Variants in GPR89B observed in about 807,000 individuals in gnomAD.
GPR89B encodes golgi pH regulator B.
In GPR89B, 25 loss-of-function variants were observed where a neutral mutation model predicts 52.4. That is an observed-to-expected ratio of 0.48 (90% CI 0.35 to 0.67). The LOEUF is 0.67. GPR89B is among the 30% of genes least tolerant of loss of function. The pLI is 0.01. For synonymous variants in GPR89B, 52 were observed against 151.2 expected (o/e 0.34, Z 4.81); for missense variants, 146 against 450.2 (o/e 0.32, Z 6.11).
chr1:147,958,638 CAA>C (rs587655520), intron 7 of GPR89B, among the ~76,000 whole-genome samples: 8 of 109,652 alleles, frequency 7.3e-5, no homozygotes, highest in Admixed American at 2.9e-4. Flanking sequence ...GACTCTGTCT[CAA>C]AAAAAAAAAA....
At chr1:147,987,253 G>A (rs1439231387) in intron 11 of GPR89B, among the ~76,000 whole-genome samples, 5 of 152,212 alleles carry the variant, frequency 3.3e-5, no homozygotes, top group Non-Finnish European at 5.9e-5. Context: ...ACGCAGTACT[G>A]TGGCCCACAT....
intron 1 of GPR89B, among the ~76,000 whole-genome samples, chr1:147,933,479 C>A (rs1653819209): frequency 6.6e-6 from 1 of 152,052 alleles, no homozygotes; most frequent in Non-Finnish European, 1.5e-5. Flanking sequence ...CCTTCACAAT[C>A]TGTCTTTTAT....
the GPR89B span, among the ~76,000 whole-genome samples, chr1:148,012,865 G>A: frequency 6.6e-6 from 1 of 151,932 alleles, no homozygotes; most frequent in Non-Finnish European, 1.5e-5. Context: ...AGAGCCTCTG[G>A]CCTACATCTG....
chr1:147,976,732 A>G (rs1571302161), intron 10 of GPR89B, among the ~76,000 whole-genome samples: 2 of 151,946 alleles, frequency 1.3e-5, no homozygotes, highest in Admixed American at 1.3e-4. Flanking sequence ...TAGTTGCTTC[A>G]TAGTGTCATT....
At chr1:147,997,166 C>T (rs1217381081), downstream of GPR89B, among the ~76,000 whole-genome samples, 2 of 152,014 alleles carry the variant, frequency 1.3e-5, no homozygotes, top group South Asian at 2.1e-4. Context: ...CTTTTCCTTT[C>T]GGTAAGATGG....
chr1:147,981,510 T>A (rs1169566800), intron 10 of GPR89B, among the ~76,000 whole-genome samples: 2 of 148,208 alleles, frequency 1.3e-5, no homozygotes, highest in Admixed American at 6.7e-5. Flanking sequence ...AAAAAAAAAA[T>A]TCATATTTTC....
chr1:148,007,945 G>T, the GPR89B span, among the ~76,000 whole-genome samples: 43 of 152,136 alleles, frequency 2.8e-4, no homozygotes, highest in African/African-American at 9.4e-4. Context: ...GTCCAAGACG[G>T]GGCAGGACAG....
intron 5 of GPR89B, among the ~76,000 whole-genome samples, chr1:147,944,895 AAT>A (rs1224164818): frequency 4.7e-5 from 7 of 148,434 alleles, no homozygotes; most frequent in Non-Finnish European, 8.9e-5. Flanking sequence ...CCTTTTTAAA[AAT>A]ATATATATAT....
chr1:147,983,585 A>G (rs1433109550), intron 10 of GPR89B, among the ~76,000 whole-genome samples: 8 of 152,174 alleles, frequency 5.3e-5, no homozygotes, highest in South Asian at 2.1e-4. Context: ...AATGCTCACC[A>G]TCACTGGCCA....
intron 8 of GPR89B, chr1:147,968,081 AC>A (rs1425118539): frequency 2.2e-5 from 8 of 356,704 alleles, no homozygotes; most frequent in East Asian, 2.2e-4. Flanking sequence ...TATGTTTATT[AC>A]TTAAAAGTTC....
At chr1:147,957,788 G>C (rs1656226083) in intron 7 of GPR89B, among the ~76,000 whole-genome samples, 1 of 152,066 alleles carries the variant, frequency 6.6e-6, no homozygotes, top group African/African-American at 2.4e-5. Flanking sequence ...ATAAAGGCCA[G>C]GCGCAGTGGC....
intron 7 of GPR89B, among the ~76,000 whole-genome samples, chr1:147,963,752 A>G (rs1656813317): frequency 6.6e-6 from 1 of 152,136 alleles, no homozygotes; most frequent in African/African-American, 2.4e-5. Context: ...ATCCATGTAG[A>G]ATGGTACAGT....
At chr1:148,003,030 C>T in the GPR89B span, among the ~76,000 whole-genome samples, 7 of 152,326 alleles carry the variant, frequency 4.6e-5, no homozygotes, top group Non-Finnish European at 8.8e-5. Context: ...TATCTCCCTT[C>T]ATTATGGACA....
intron 12 of GPR89B, among the ~76,000 whole-genome samples, chr1:147,990,524 A>G (rs1409906598): frequency 6.6e-6 from 1 of 152,180 alleles, no homozygotes; most frequent in African/African-American, 2.4e-5. Context: ...GTCCTTGCCC[A>G]TGCCTATGTC....
the GPR89B span, among the ~76,000 whole-genome samples, chr1:148,001,041 A>G: frequency 4.9e-5 from 4 of 81,754 alleles, no homozygotes; most frequent in Admixed American, 1.5e-4. Flanking sequence ...TTCCAGGCTT[A>G]TATTCTCCAT....
At chr1:148,009,926 G>C in the GPR89B span, among the ~76,000 whole-genome samples, 1 of 152,026 alleles carries the variant, frequency 6.6e-6, no homozygotes, top group Admixed American at 6.6e-5. Flanking sequence ...AGGGGAAGGG[G>C]GCTAGAGGAG....
intron 10 of GPR89B, among the ~76,000 whole-genome samples, chr1:147,985,294 A>C (rs1658582376): frequency 6.6e-6 from 1 of 151,988 alleles, no homozygotes; most frequent in Non-Finnish European, 1.5e-5. Flanking sequence ...TCTTTTGATT[A>C]GTGTTAGCAT....
chr1:147,975,072 C>T (rs1271971162), intron 10 of GPR89B, among the ~76,000 whole-genome samples: 2 of 150,512 alleles, frequency 1.3e-5, no homozygotes, highest in African/African-American at 4.9e-5. Context: ...ATTTGGTTTG[C>T]CAGTATTTTA....
At chr1:147,961,968 G>T in intron 7 of GPR89B, among the ~76,000 whole-genome samples, 2 of 151,926 alleles carry the variant, frequency 1.3e-5, no homozygotes, top group Middle Eastern at 3.4e-3. Flanking sequence ...TCTAAAATTT[G>T]TACAGAAAGG....
Sources: allele counts gnomAD v4.1 joint callset (sites outside exome capture counted in the v4.1 genomes callset), GRCh38; gene constraint gnomAD v4.1.1; transcripts MANE v1.5; gene names NCBI Gene and HGNC (gene_info 2026-07-23, HGNC 2026-07-21).